Variants in MARCHF11 observed in about 807,000 individuals in gnomAD.
MARCHF11 encodes the protein membrane associated ring-CH-type finger 11.
MARCHF11 carries 29 observed loss-of-function variants against 37.3 expected under a neutral mutation model. The observed-to-expected ratio is 0.78, with a 90% CI of 0.58 to 1.06. The LOEUF (loss-of-function observed/expected upper bound fraction) is 1.06. Ranked by LOEUF, MARCHF11 falls within the 50% of genes least tolerant of loss-of-function variation. The probability of loss-of-function intolerance (pLI) is 0.00; values close to 1 mark genes in which losing one functional copy is unlikely to be tolerated. For missense variants in MARCHF11, 482 were observed against 533.4 expected (o/e 0.90, Z 0.95); for synonymous variants, 233 against 228.0 (o/e 1.02, Z -0.20).
At chr5:16,169,535 A>T (rs1439228833) in intron 2 of MARCHF11, among the ~76,000 whole-genome samples, 1 of 152,154 alleles carries the variant, frequency 6.6e-6, no homozygotes, top group Non-Finnish European at 1.5e-5. Context: ...TGTGTCCTCA[A>T]TAAGTTCCCT....
At chr5:16,178,260 G>C (rs1213068393) in intron 1 of MARCHF11, among the ~76,000 whole-genome samples, 2 of 152,262 alleles carry the variant, frequency 1.3e-5, no homozygotes, top group East Asian at 3.9e-4. Flanking sequence ...CCCAGAAAGC[G>C]GCATTATGCT....
chr5:16,167,319 A>G (rs1579424138), intron 2 of MARCHF11, among the ~76,000 whole-genome samples: 1 of 152,112 alleles, frequency 6.6e-6, no homozygotes, highest in Non-Finnish European at 1.5e-5. Context: ...GAGAATCAAG[A>G]GAGCTGAAAG....
In MARCHF11 at chr5:16,179,531, C is replaced by A. The variant is rs1221512537; in HGVS notation, c.45G>T (p.Ala15=). Residue 15 remains alanine (A), a synonymous_variant, in exon 1 of 4, where the codon GCG becomes GCT. Transcript: ENST00000332432. ...GGGGAGGCTCGGCGTCCCCGCTCTCCGCCCCGCGACACCGACTGCCGCCGT... is the reference window on the plus strand; with the variant it reads ...GGGGAGGCTCGGCGTCCCCGCTCTCAGCCCCGCGACACCGACTGCCGCCGT... The part of the protein sequence containing the change: ...GGHGGSRCRG[A]ESGDAEPPPQ... The A allele has an allele frequency of 8.5e-7, 1 of 1,183,326 alleles. No homozygotes were observed. Among genetic ancestry groups the A allele is most frequent in the Non-Finnish European group, 1.0e-6 (1 of 957,264 alleles). 73.3% of individuals were successfully genotyped at this position (1,183,326 alleles called of 1,614,324 possible).
At chr5:16,171,376 T>C (rs755584494) in intron 2 of MARCHF11, among the ~76,000 whole-genome samples, 4 of 151,804 alleles carry the variant, frequency 2.6e-5, no homozygotes, top group East Asian at 1.9e-4. Context: ...TTGAATTTTC[T>C]AAGAGGTTGT....
Position 16,178,940 on chromosome 5 carries a change from C to T in MARCHF11, c.537+99G>A, listed in dbSNP as rs560024548. ...AGAACCAGACGAGCCTCACTGGAGG[C>T]AAACTGGGAGGTAGGCGTGCGCTGT... is the stretch of plus-strand genomic sequence containing the variant. On this transcript the variant is annotated intron_variant, in intron 1 of 3. Coordinates refer to ENST00000332432, the MANE Select transcript of MARCHF11 (RefSeq NM_001102562.3). 3.5e-5 allele frequency: 46 copies of T among 1,313,176 alleles called. No homozygotes were observed. The South Asian group carries it at 7.9e-4, about 23-fold the overall frequency. The allele number at this position is 1,313,176 out of a possible 1,614,324, so 81.3% of individuals were successfully genotyped here.
chr5:16,179,394 C>T lies in MARCHF11; in HGVS notation c.182G>A (p.Arg61His). The change falls in exon 1 of 4, where the codon CGC (arginine) becomes CAC (histidine). Residue 61 changes from arginine to histidine, a missense_variant. Physicochemically the swap from Arg to His is conservative, Grantham distance 29. Transcript: ENST00000332432. ...PLPASPETPE[R>H]AAGPSEPLGE... ...TAGCGGCTCGCTTGGCCCCGCGGCGCGCTCGGGGGTCTCGGGGGACGCGGG... is the reference window on the plus strand; with the variant it reads ...TAGCGGCTCGCTTGGCCCCGCGGCGTGCTCGGGGGTCTCGGGGGACGCGGG... 4.4e-6 allele frequency: 5 copies of T among 1,147,672 alleles called. No homozygotes were observed. The highest frequency in any genetic ancestry group is 4.8e-5 in the Admixed American group (1 of 20,796). The allele number at this position is 1,147,672 out of a possible 1,614,324, so 71.1% of individuals were successfully genotyped here. A position where few individuals can be genotyped will look rare whatever the true frequency, so the allele number is the denominator to read the frequency against.
At chr5:16,124,104 G>T (rs953762398) in intron 2 of MARCHF11, among the ~76,000 whole-genome samples, 2 of 152,170 alleles carry the variant, frequency 1.3e-5, no homozygotes, top group Admixed American at 6.5e-5. Flanking sequence ...TGACGTTGCA[G>T]GCCTGGGAAG....
chr5:16,164,604 C>T (rs533372076), intron 2 of MARCHF11, among the ~76,000 whole-genome samples: 96 of 152,042 alleles, frequency 6.3e-4, no homozygotes, highest in Non-Finnish European at 1.1e-3. Flanking sequence ...GGATTTAGGT[C>T]AGCACCCTGC....
At chr5:16,164,024 T>C (rs1579422000) in intron 2 of MARCHF11, among the ~76,000 whole-genome samples, 1 of 152,062 alleles carries the variant, frequency 6.6e-6, no homozygotes, top group East Asian at 1.9e-4. Flanking sequence ...GGCTGGGCCC[T>C]CACCAGACAC....
chr5:16,167,753 C>T (rs975851963), intron 2 of MARCHF11, among the ~76,000 whole-genome samples: 1 of 152,048 alleles, frequency 6.6e-6, no homozygotes, highest in African/African-American at 2.4e-5. Flanking sequence ...GCTTTTCTTC[C>T]GTTCCTTACT....
At chr5:16,166,768 C>T (rs1457998135) in intron 2 of MARCHF11, among the ~76,000 whole-genome samples, 1 of 151,760 alleles carries the variant, frequency 6.6e-6, no homozygotes, top group African/African-American at 2.4e-5. Context: ...TATGCTTAAG[C>T]AAAGCATGAG....
intron 2 of MARCHF11, among the ~76,000 whole-genome samples, chr5:16,165,395 C>T (rs1356298013): frequency 1.3e-5 from 2 of 152,020 alleles, no homozygotes; most frequent in East Asian, 3.9e-4. Flanking sequence ...ACCAATAAAC[C>T]AATGCTGGTA....
intron 2 of MARCHF11, among the ~76,000 whole-genome samples, chr5:16,134,998 T>TCTCTCACACACACA (rs137865822): frequency 3.8e-4 from 55 of 143,802 alleles, no homozygotes; most frequent in African/African-American, 1.4e-3. Flanking sequence ...TCTCTCTCTC[T>TCTCTCACACACACA]CACACACACA....
At chr5:16,172,047 T>C (rs970286475) in intron 2 of MARCHF11, among the ~76,000 whole-genome samples, 1 of 152,196 alleles carries the variant, frequency 6.6e-6, no homozygotes, top group Non-Finnish European at 1.5e-5. Context: ...TCGTTCTAAA[T>C]AGTTTAAAAG....
At chr5:16,104,680 CAA>C (rs35879619) in intron 2 of MARCHF11, among the ~76,000 whole-genome samples, 5 of 141,964 alleles carry the variant, frequency 3.5e-5, no homozygotes, top group Non-Finnish European at 3.1e-5. Context: ...CCATTTACCT[CAA>C]AAAAAAAAAA....
intron 2 of MARCHF11, among the ~76,000 whole-genome samples, chr5:16,095,819 C>T (rs1736858851): frequency 6.6e-6 from 1 of 152,130 alleles, no homozygotes; most frequent in African/African-American, 2.4e-5. Context: ...CCCCATTGTC[C>T]CTGGACTGCA....
chr5:16,127,788 C>T (rs1180631292), intron 2 of MARCHF11, among the ~76,000 whole-genome samples: 1 of 152,176 alleles, frequency 6.6e-6, no homozygotes, highest in African/African-American at 2.4e-5. Context: ...GCCTCCAGAC[C>T]TCGTCTGTCT....
At chr5:16,076,638 C>G (rs1183774578) in intron 3 of MARCHF11, among the ~76,000 whole-genome samples, 1 of 152,076 alleles carries the variant, frequency 6.6e-6, no homozygotes, top group Non-Finnish European at 1.5e-5. Context: ...GCACAGTCAC[C>G]CAATTTCAAA....
chr5:16,110,374 G>A (rs191382999), intron 2 of MARCHF11, among the ~76,000 whole-genome samples: 170 of 152,190 alleles, frequency 1.1e-3, no homozygotes, highest in African/African-American at 3.6e-3. Flanking sequence ...AAAGGAGACC[G>A]GATACAATGC....
Sources: allele counts gnomAD v4.1 joint callset (sites outside exome capture counted in the v4.1 genomes callset), GRCh38; gene constraint gnomAD v4.1.1; transcripts MANE v1.5; gene names NCBI Gene and HGNC (gene_info 2026-07-23, HGNC 2026-07-21).